Variants in LMO7 observed in about 807,000 individuals in gnomAD.
LMO7 encodes LIM domain 7, also known as LIM domain only protein 7.
LMO7 carries 120 observed loss-of-function variants against 206.5 expected under a neutral mutation model. That is an observed-to-expected ratio of 0.58 (90% CI 0.50 to 0.68). The LOEUF (loss-of-function observed/expected upper bound fraction) is 0.68. Among genes scored for constraint, LMO7 ranks in the 30% least tolerant of loss-of-function variants. LMO7 has a pLI of 0.00. For missense variants in LMO7, 1,959 were observed against 1,957.9 expected, an observed-to-expected ratio of 1.00 and a Z score of -0.01; for synonymous variants, 706 against 681.5, an observed-to-expected ratio of 1.04 and a Z score of -0.56.
intron 1 of LMO7, among the ~76,000 whole-genome samples, chr13:75,690,133 C>T (rs1169865967): frequency 6.6e-6 from 1 of 150,972 alleles, no homozygotes; most frequent in Non-Finnish European, 1.5e-5. Flanking sequence ...GGGGGTCTTA[C>T]TATGTTGTCC....
upstream of LMO7, chr13:75,636,307 C>G: frequency 2.8e-6 from 3 of 1,087,118 alleles, no homozygotes; most frequent in South Asian, 8.0e-5. Context: ...AGGACGGCGG[C>G]GGCGCTGCGA....
At chr13:75,696,311 T>C (rs2041898850) in intron 1 of LMO7, among the ~76,000 whole-genome samples, 1 of 152,030 alleles carries the variant, frequency 6.6e-6, no homozygotes. Flanking sequence ...TCCGAGATTG[T>C]GCCATTGCAC....
chr13:75,836,487 T>C, intron 19 of LMO7, 30 bp downstream of exon 19: 1 of 1,162,314 alleles, frequency 8.6e-7, no homozygotes, highest in Non-Finnish European at 1.2e-6. Flanking sequence ...CTTACATTTA[T>C]AATACAGGAA....
intron 25 of LMO7, among the ~76,000 whole-genome samples, chr13:75,844,614 A>C (rs762342616): frequency 2.0e-4 from 31 of 151,946 alleles, no homozygotes; most frequent in Non-Finnish European, 4.0e-4. Context: ...TCACCATGTT[A>C]GCCAGGGTGG....
At position 75,844,252 on chromosome 13, in the gene LMO7, C is replaced by T. The variant is rs749093207; in HGVS notation, c.4098-1075C>T. ...ATGTTGATACAAGTGAAATTATTCACAAGTGCAGCTGTCTACCACTTATGA... is the reference window on the plus strand; with the variant it reads ...ATGTTGATACAAGTGAAATTATTCATAAGTGCAGCTGTCTACCACTTATGA... On this transcript the variant is annotated intron_variant, in intron 25 of 30. Transcript: ENST00000377534. Among the ~76,000 whole-genome samples the T allele has an allele frequency of 1.3e-5, 2 of 151,914 alleles. 1 individual carries two copies. The highest frequency in any genetic ancestry group is 2.9e-5 in the Non-Finnish European group (2 of 68,004).
At chr13:75,744,266 G>A (rs1016800391) in intron 3 of LMO7, among the ~76,000 whole-genome samples, 4 of 152,154 alleles carry the variant, frequency 2.6e-5, no homozygotes, top group African/African-American at 9.7e-5. Context: ...ACGTGGCACT[G>A]CAAATGAAGA....
At position 75,826,329 on chromosome 13, in the gene LMO7, A is replaced by C. The variant is rs535755292; in HGVS notation, c.2949+2456A>C. Among the ~76,000 whole-genome samples the C allele has an allele frequency of 2.6e-5, 4 of 152,296 alleles. No homozygotes were observed. The East Asian group carries it at 7.7e-4, about 29-fold the overall frequency. On this transcript the variant is annotated intron_variant, in intron 15 of 30. Coordinates refer to ENST00000377534, the MANE Select transcript of LMO7 (RefSeq NM_001306080.2). Reference sequence around the variant, plus strand: ...AGTGCTGGGATTACAGGTGTGAGCCACCACACCCAGCTGATGTTACTCTTT... The same window carrying C: ...AGTGCTGGGATTACAGGTGTGAGCCCCCACACCCAGCTGATGTTACTCTTT...
intron 2 of LMO7, among the ~76,000 whole-genome samples, chr13:75,724,603 G>A (rs929223910): frequency 7.9e-5 from 12 of 152,196 alleles, no homozygotes; most frequent in Middle Eastern, 3.4e-3. Flanking sequence ...TTTTTGATTT[G>A]ACATAAGGCT....
chr13:75,631,053 A>G (rs2034878292), intron 2 of LMO7, among the ~76,000 whole-genome samples: 1 of 151,878 alleles, frequency 6.6e-6, no homozygotes, highest in Non-Finnish European at 1.5e-5. Context: ...TTGAGACAGA[A>G]TCTCTCTCTG....
rs374230301 is a variant in LMO7, at chr13:75,821,250, G to A, written c.2281G>A (p.Gly761Arg). 3.3e-5 allele frequency: 54 copies of A among 1,613,900 alleles called. No individual in the cohort carries two copies. Among genetic ancestry groups the A allele is most frequent in the Non-Finnish European group, 4.5e-5 (53 of 1,179,968 alleles). Residue 761 changes from glycine to arginine, a missense_variant, in exon 14 of 31, where the codon GGA (glycine) becomes AGA (arginine). Coordinates refer to ENST00000377534, the MANE Select transcript of LMO7 (RefSeq NM_001306080.2). ...TTCTTTTGATGATGTGCTGGAGGAA[G>A]GAAAGCGACCCCCTACAATGACTGT... ...MYSFDDVLEE[G>R]KRPPTMTVSE...
At chr13:75,818,083 G>A (rs911475314) in intron 12 of LMO7, among the ~76,000 whole-genome samples, 2 of 152,104 alleles carry the variant, frequency 1.3e-5, no homozygotes, top group Non-Finnish European at 2.9e-5. Flanking sequence ...CCCCTGCTCT[G>A]GCTACCCTTC....
In LMO7 at chr13:75,720,226, A is replaced by G. The variant is rs191971018; in HGVS notation, c.141-6803A>G. The stretch of plus-strand genomic sequence containing the variant: ...TTTAAGAGTTCCTTGTATATTTTAG[A>G]TAAGAGTCCTTTTTCAGATATGTCT... On this transcript the variant is annotated intron_variant, in intron 2 of 30. Transcript: ENST00000377534. Among the ~76,000 whole-genome samples, 589 of 152,238 alleles carry G rather than the reference A, an allele frequency of 3.9e-3. 6 individuals are homozygous for G. Among genetic ancestry groups the G allele is most frequent in the African/African-American group, 0.014 (568 of 41,530 alleles).
At chr13:75,838,404 G>GTGTCCTT in intron 20 of LMO7, 1 of 1,291,744 alleles carries the variant, frequency 7.7e-7, no homozygotes, top group Non-Finnish European at 1.0e-6. Context: ...GGGTCTTTGT[G>GTGTCCTT]TGTCCTTTGT....
At chr13:75,681,909 T>G (rs9573610) in intron 1 of LMO7, among the ~76,000 whole-genome samples, 76,487 of 151,004 alleles carry the variant, frequency 0.51, 20,802 homozygotes, top group Middle Eastern at 0.64. Context: ...TTAATCCATT[T>G]GAAGGAGATT....
intron 2 of LMO7, among the ~76,000 whole-genome samples, chr13:75,718,246 T>A (rs760412481): frequency 6.6e-6 from 1 of 152,216 alleles, no homozygotes; most frequent in Non-Finnish European, 1.5e-5. Context: ...AACTTAAAAA[T>A]TCACTTCAGT....
chr13:75,626,752 T>G (rs2138728380), intron 2 of LMO7: 1 of 150,844 alleles, frequency 6.6e-6, no homozygotes, highest in South Asian at 2.1e-4. Context: ...ACCTGGCTAA[T>G]TTTTGTATTT....
intron 4 of LMO7, among the ~76,000 whole-genome samples, chr13:75,784,316 A>G (rs908751093): frequency 1.3e-5 from 2 of 152,236 alleles, no homozygotes; most frequent in South Asian, 4.1e-4. Context: ...GGATTGTGCC[A>G]GTAAACATGA....
At chr13:75,760,848 G>C in intron 3 of LMO7, 84 bp from the exon 4 acceptor site, 1 of 1,575,060 alleles carries the variant, frequency 6.3e-7, no homozygotes, top group Non-Finnish European at 8.6e-7. Context: ...GGACTTTGAA[G>C]CTTCGAAGTT....
chr13:75,745,139 G>C (rs951415971), intron 3 of LMO7, among the ~76,000 whole-genome samples: 2 of 152,132 alleles, frequency 1.3e-5, no homozygotes, highest in African/African-American at 4.8e-5. Context: ...GGGCCCTGGT[G>C]GGGTGAGTGG....
Sources: allele counts gnomAD v4.1 joint callset (sites outside exome capture counted in the v4.1 genomes callset), GRCh38; gene constraint gnomAD v4.1.1; transcripts MANE v1.5; gene names NCBI Gene and HGNC (gene_info 2026-07-23, HGNC 2026-07-21).